The following NWD2 variants were observed in gnomAD, a reference collection of about 807,000 sequenced individuals.
NWD2 encodes the protein NACHT and WD repeat domain-containing protein 2.
Under a neutral mutation model 132.7 loss-of-function variants are expected in NWD2, and 37 were observed. The ratio of observed to expected loss-of-function variants is 0.28; its 90% CI spans 0.21 to 0.37. NWD2 has a LOEUF of 0.37. NWD2 is among the 10% of genes least tolerant of loss of function. The probability of loss-of-function intolerance (pLI) is 1.00; values close to 1 mark genes in which losing one functional copy is unlikely to be tolerated. For missense variants in NWD2, 1,592 were observed against 2,122.4 expected (o/e 0.75, Z 4.91); for synonymous variants, 705 against 803.0 (o/e 0.88, Z 2.06).
intron 1 of NWD2, among the ~76,000 whole-genome samples, chr4:37,294,287 T>C (rs1009273150): frequency 1.3e-5 from 2 of 152,200 alleles, no homozygotes; most frequent in Non-Finnish European, 2.9e-5. Context: ...GTGCCACTAA[T>C]TGGCAGTTGA....
At chr4:37,268,484 C>G (rs961186857) in intron 1 of NWD2, among the ~76,000 whole-genome samples, 6 of 151,914 alleles carry the variant, frequency 3.9e-5, no homozygotes, top group African/African-American at 1.2e-4. Flanking sequence ...AACCAGGACT[C>G]TGTTGTATTC....
chr4:37,436,556 C>G (rs1712328135), intron 5 of NWD2, among the ~76,000 whole-genome samples: 2 of 152,024 alleles, frequency 1.3e-5, no homozygotes, highest in Admixed American at 1.3e-4. Context: ...TTGATACATC[C>G]TTTTCATAAA....
intron 2 of NWD2, among the ~76,000 whole-genome samples, chr4:37,354,221 A>G (rs1368254810): frequency 2.6e-5 from 4 of 152,070 alleles, no homozygotes; most frequent in South Asian, 2.1e-4. Context: ...TGGAAGCTTC[A>G]TCCCAGAGGG....
intron 1 of NWD2, among the ~76,000 whole-genome samples, chr4:37,260,457 C>T (rs754551008): frequency 3.3e-5 from 5 of 152,192 alleles, no homozygotes; most frequent in African/African-American, 4.8e-5. Flanking sequence ...CTAGCTCTTT[C>T]TTCCTAACTT....
intron 3 of NWD2, among the ~76,000 whole-genome samples, chr4:37,413,876 A>C (rs1246746996): frequency 6.6e-6 from 1 of 152,182 alleles, no homozygotes. Context: ...CAAGAACAGA[A>C]AACCAAACAC....
rs200831100 is a variant in NWD2 at position 37,354,609 on chromosome 4, CTAT to C, written c.241-1752_241-1750del. The stretch of plus-strand genomic sequence containing the variant: ...TTCTTAACTCATTGTTCAACCAAGG[CTAT>C]TATTGTCCTTCTCAGGACAGGAGGC... On this transcript the variant is annotated intron_variant, in intron 2 of 6. Transcript: ENST00000309447. Among the ~76,000 whole-genome samples, 971 of 152,254 alleles carry C rather than the reference CTAT, an allele frequency of 6.4e-3. 9 individuals carry two copies. Among genetic ancestry groups the C allele is most frequent in the African/African-American group, 0.021 (879 of 41,546 alleles).
intron 3 of NWD2, among the ~76,000 whole-genome samples, chr4:37,419,723 A>G (rs1310795436): frequency 6.6e-6 from 1 of 152,214 alleles, no homozygotes; most frequent in Non-Finnish European, 1.5e-5. Context: ...TAGAAAAATG[A>G]AAACTTAGAG....
At chr4:37,254,595 G>A (rs1187665444) in intron 1 of NWD2, among the ~76,000 whole-genome samples, 1 of 152,134 alleles carries the variant, frequency 6.6e-6, no homozygotes, top group Non-Finnish European at 1.5e-5. Context: ...TTAACTTAAA[G>A]ACACTCTTGC....
chr4:37,388,725 T>C (rs1720622881), intron 3 of NWD2, among the ~76,000 whole-genome samples: 1 of 147,568 alleles, frequency 6.8e-6, no homozygotes, highest in Admixed American at 6.8e-5. Flanking sequence ...ATATATATCA[T>C]ATATATATCA....
chr4:37,388,073 G>A lies in NWD2; in HGVS notation c.357+31591G>A, dbSNP rs570481495. Among the ~76,000 whole-genome samples, 3 of 152,270 alleles carry A rather than the reference G, an allele frequency of 2.0e-5. No homozygotes were observed. The East Asian group carries it at 5.8e-4, about 29-fold the overall frequency. ...TAGTTTCCTCATCTGTAAAATGGGA[G>A]CAATAATAGTATCTGATTGATATTA... On this transcript the variant is annotated intron_variant, in intron 3 of 6. Transcript: ENST00000309447.
At chr4:37,403,470 C>A (rs148049228) in intron 3 of NWD2, among the ~76,000 whole-genome samples, 1 of 152,066 alleles carries the variant, frequency 6.6e-6, no homozygotes, top group South Asian at 2.1e-4. Context: ...ATTCGTGCTC[C>A]TAGTACAGGG....
At chr4:37,378,908 C>G (rs1720400298) in intron 3 of NWD2, among the ~76,000 whole-genome samples, 2 of 152,134 alleles carry the variant, frequency 1.3e-5, no homozygotes, top group Non-Finnish European at 1.5e-5. Context: ...GATAGTTTTA[C>G]AAGTAGAAAC....
At chr4:37,260,886 A>G (rs538379955) in intron 1 of NWD2, among the ~76,000 whole-genome samples, 1 of 152,216 alleles carries the variant, frequency 6.6e-6, no homozygotes, top group African/African-American at 2.4e-5. Context: ...GCCACATACA[A>G]CACATGATAC....
chr4:37,313,113 G>A (rs576829161), intron 1 of NWD2, among the ~76,000 whole-genome samples: 6 of 151,062 alleles, frequency 4.0e-5, no homozygotes, highest in African/African-American at 1.5e-4. Flanking sequence ...TCTCTTCCTG[G>A]CTTTGGTATC....
rs1712579161 is a variant in NWD2, at chr4:37,444,546, G to A, written c.2558G>A (p.Gly853Asp). ...GGAAAAACCGATGACCTGCTTTACG[G>A]CATCATCATGAACTTCAGCTGGCTT... ...RCGKTDDLLYGIIMNFSWLYT... is the reference protein window; with the variant it reads ...RCGKTDDLLYDIIMNFSWLYT... Residue 853 changes from glycine (G) to aspartate (D), a missense_variant, in exon 7 of 7, where the codon GGC becomes GAC. By Grantham distance (94) the Gly-to-Asp change is moderately conservative. This residue lies in a region of NWD2 where 1,071 missense variants were observed against 1,398.0 expected (regional missense o/e 0.77). Transcript: ENST00000309447. The surrounding 1 kb of genome is among the most constrained non-coding windows in gnomAD (Gnocchi z 4.8). The A allele has an allele frequency of 6.4e-7, 1 of 1,551,642 alleles. No individual in the cohort carries two copies. Among genetic ancestry groups the A allele is most frequent in the South Asian group, 1.2e-5 (1 of 84,050 alleles).
intron 1 of NWD2, among the ~76,000 whole-genome samples, chr4:37,292,024 G>A (rs1718371723): frequency 6.6e-6 from 1 of 151,890 alleles, no homozygotes; most frequent in Non-Finnish European, 1.5e-5. Flanking sequence ...TCTGAACAGG[G>A]CCACACATCA....
rs1409427502 is a variant in NWD2, at chr4:37,439,397, G to A, written c.1296+7G>A. Reference sequence around the variant, plus strand: ...AGCTGAAGTAGCAAAGAAGGTAAAAGCCTATTCTTTCCCGTGTATATTTGT... The same window carrying A: ...AGCTGAAGTAGCAAAGAAGGTAAAAACCTATTCTTTCCCGTGTATATTTGT... On this transcript the variant is annotated splice_region_variant and intron_variant, in intron 6 of 6. Coordinates refer to ENST00000309447, the MANE Select transcript of NWD2 (RefSeq NM_001144990.2). The surrounding 1 kb of genome is among the most constrained non-coding windows in gnomAD (Gnocchi z 4.5). 7 of 1,423,686 alleles carry A rather than the reference G, an allele frequency of 4.9e-6. No homozygotes were observed. The Admixed American group carries it at 1.2e-4, about 24-fold the overall frequency. 88.2% of individuals were successfully genotyped at this position (1,423,686 alleles called of 1,614,324 possible). A position where few individuals can be genotyped will look rare whatever the true frequency, so the allele number is the denominator to read the frequency against.
chr4:37,409,475 A>T (rs1390270691), intron 3 of NWD2, among the ~76,000 whole-genome samples: 1 of 152,058 alleles, frequency 6.6e-6, no homozygotes, highest in African/African-American at 2.4e-5. Context: ...AATAAAAAGG[A>T]ATGAACAAAG....
chr4:37,252,241 G>A (rs1293050940), intron 1 of NWD2, among the ~76,000 whole-genome samples: 1 of 152,202 alleles, frequency 6.6e-6, no homozygotes, highest in Non-Finnish European at 1.5e-5. Context: ...TGGAACTGAT[G>A]TCTTGAGGTG....
Sources: allele counts gnomAD v4.1 joint callset (sites outside exome capture counted in the v4.1 genomes callset), GRCh38; gene constraint gnomAD v4.1.1; regional missense constraint gnomAD v4.1.1; non-coding constraint Gnocchi (gnomAD v3.1); transcripts MANE v1.5; gene names NCBI Gene and HGNC (gene_info 2026-07-23, HGNC 2026-07-21).